Variants in EXT1 observed in about 807,000 individuals in gnomAD.
EXT1 encodes the protein exostosin-1.
EXT1 carries 20 observed loss-of-function variants against 82.5 expected under a neutral mutation model. The ratio of observed to expected loss-of-function variants is 0.24; its 90% CI spans 0.17 to 0.35. EXT1 has a LOEUF of 0.35. Ranked by LOEUF, EXT1 falls within the 10% of genes least tolerant of loss-of-function variation. The pLI, the probability that EXT1 is intolerant of heterozygous loss-of-function variation, is 1.00. For synonymous variants in EXT1, 348 were observed against 350.8 expected (o/e 0.99, Z 0.09); for missense variants, 757 against 936.5 (o/e 0.81, Z 2.50).
intron 1 of EXT1, among the ~76,000 whole-genome samples, chr8:117,873,172 C>G (rs904267597): frequency 6.6e-6 from 1 of 152,118 alleles, no homozygotes; most frequent in East Asian, 1.9e-4. Flanking sequence ...GAAAGAGGGC[C>G]CTCACCAGAA....
chr8:118,062,731 G>C (rs1262890893), intron 1 of EXT1, among the ~76,000 whole-genome samples: 3 of 152,278 alleles, frequency 2.0e-5, no homozygotes, highest in African/African-American at 7.2e-5. Flanking sequence ...GGTCCAGAAA[G>C]CTTTTAAACA....
chr8:117,951,060 A>T (rs1256949838), intron 1 of EXT1, among the ~76,000 whole-genome samples: 1 of 152,190 alleles, frequency 6.6e-6, no homozygotes, highest in Non-Finnish European at 1.5e-5. Context: ...TAGTTAAAAA[A>T]CCTAATTGTA....
intron 1 of EXT1, among the ~76,000 whole-genome samples, chr8:117,970,249 C>T (rs1814910488): frequency 6.6e-6 from 1 of 152,022 alleles, no homozygotes; most frequent in Non-Finnish European, 1.5e-5. Flanking sequence ...TACACCTGGG[C>T]TGTACCCCCA....
intron 1 of EXT1, among the ~76,000 whole-genome samples, chr8:117,885,120 G>T (rs1813124440): frequency 6.6e-6 from 1 of 152,064 alleles, no homozygotes; most frequent in Non-Finnish European, 1.5e-5. Flanking sequence ...ATGGTGTCAA[G>T]GTACAGCCTA....
chr8:117,804,640 A>T lies in EXT1; in HGVS notation c.2055+82T>A, dbSNP rs572474295. The T allele has an allele frequency of 2.4e-5, 35 of 1,484,132 alleles. 1 individual carries two copies. The Middle Eastern group carries it at 5.4e-4, about 23-fold the overall frequency. 91.9% of individuals were successfully genotyped at this position (1,484,132 alleles called of 1,614,324 possible). On this transcript the variant is annotated intron_variant, in intron 10 of 10. Transcript: ENST00000378204. ...CTCATTATATGCTCCTGGGTGGAAC[A>T]GCTAGAGGAACGTGAGTCCTCATTA...
At position 117,799,522 on chromosome 8, in the gene EXT1, C is replaced by T. The variant is rs1823131426; in HGVS notation, c.*190G>A. ...AGAAGCCAGTGAGGTGAGTTTGGAG[C>T]AGTCTGGTGCAGTCCCAGGAGCCAG... On this transcript the variant is annotated 3_prime_UTR_variant, in exon 11 of 11. Coordinates refer to ENST00000378204, the MANE Select transcript of EXT1 (RefSeq NM_000127.3). 3.1e-5 allele frequency: 19 copies of T among 622,044 alleles called. No individual in the cohort carries two copies. The East Asian group carries it at 5.0e-4, about 16-fold the overall frequency. 38.5% of individuals were successfully genotyped at this position (622,044 alleles called of 1,614,324 possible). A position where few individuals can be genotyped will look rare whatever the true frequency, so the allele number is the denominator to read the frequency against.
At chr8:117,811,450 C>G (rs13281310) in intron 8 of EXT1, among the ~76,000 whole-genome samples, 3,237 of 152,224 alleles carry the variant, frequency 0.021, 52 homozygotes, top group Non-Finnish European at 0.033. Flanking sequence ...TGCATCCCCC[C>G]ACCCTGGCCC....
At chr8:117,800,168 A>G (rs1462262226) in intron 10 of EXT1, among the ~76,000 whole-genome samples, 3 of 152,364 alleles carry the variant, frequency 2.0e-5, no homozygotes, top group African/African-American at 7.2e-5. Flanking sequence ...TTCTCTGGTC[A>G]GTCCACGACT....
rs2129679725 is a variant in EXT1 at position 117,799,796 on chromosome 8, G to A, written c.2157C>T (p.His719=). 6.2e-7 allele frequency: 1 copy of A among 1,614,200 alleles called. No individual in the cohort carries two copies. The highest frequency in any genetic ancestry group is 8.5e-7 in the Non-Finnish European group (1 of 1,180,042). Residue 719 remains histidine (H), a synonymous_variant, in exon 11 of 11, where the codon CAC becomes CAT. Coordinates refer to ENST00000378204, the MANE Select transcript of EXT1 (RefSeq NM_000127.3). Reference sequence around the variant, plus strand: ...GGACGGGGTCGAGCCTCATCTGAGAGTGGATCAGCGGCATGTAGCCAAACC... The same window carrying A: ...GGACGGGGTCGAGCCTCATCTGAGAATGGATCAGCGGCATGTAGCCAAACC... ...ASWFGYMPLI[H]SQMRLDPVLF... is the part of the protein sequence containing the mutation.
intron 1 of EXT1, among the ~76,000 whole-genome samples, chr8:118,089,666 C>T (rs1817487659): frequency 6.6e-6 from 1 of 152,164 alleles, no homozygotes; most frequent in African/African-American, 2.4e-5. Flanking sequence ...TTTTTTAACA[C>T]ATTCGCCAGA....
At chr8:117,888,319 A>ACTCTT (rs1813183247) in intron 1 of EXT1, among the ~76,000 whole-genome samples, 1 of 152,052 alleles carries the variant, frequency 6.6e-6, no homozygotes, top group African/African-American at 2.4e-5. Flanking sequence ...ATGATATAAT[A>ACTCTT]ATAGATTAAA....
At chr8:118,058,489 T>C (rs144984088) in intron 1 of EXT1, among the ~76,000 whole-genome samples, 1 of 152,242 alleles carries the variant, frequency 6.6e-6, no homozygotes, top group African/African-American at 2.4e-5. Context: ...CACCTTCTCA[T>C]AAAAAGAGAA....
At chr8:117,871,412 C>G (rs117476502) in intron 1 of EXT1, among the ~76,000 whole-genome samples, 1 of 152,158 alleles carries the variant, frequency 6.6e-6, no homozygotes, top group Admixed American at 6.5e-5. Context: ...TCCTCATCCC[C>G]GTGAGGGGCT....
chr8:117,917,955 C>T (rs1022599513), intron 1 of EXT1, among the ~76,000 whole-genome samples: 23 of 152,152 alleles, frequency 1.5e-4, no homozygotes, highest in African/African-American at 5.6e-4. Flanking sequence ...AAAACTTGGT[C>T]AGCACACTGT....
intron 8 of EXT1, among the ~76,000 whole-genome samples, chr8:117,812,064 A>C (rs1823334258): frequency 7.4e-6 from 1 of 135,298 alleles, no homozygotes; most frequent in Admixed American, 8.4e-5. Context: ...ATTGTGAACA[A>C]AAAGGAAAAA....
chr8:117,999,046 C>T (rs149548238), intron 1 of EXT1, among the ~76,000 whole-genome samples: 84 of 152,200 alleles, frequency 5.5e-4, no homozygotes, highest in African/African-American at 1.9e-3. Flanking sequence ...TCAGAAATTC[C>T]GGAATGAGAG....
intron 4 of EXT1, 86 bp from the exon 5 acceptor site, chr8:117,822,683 G>T: frequency 1.3e-6 from 2 of 1,513,814 alleles, no homozygotes; most frequent in Non-Finnish European, 9.1e-7. Context: ...TCGAAAGATG[G>T]TGGCAGTCAG....
intron 1 of EXT1, among the ~76,000 whole-genome samples, chr8:118,005,497 G>A (rs1815754974): frequency 1.3e-5 from 2 of 152,144 alleles, no homozygotes; most frequent in Admixed American, 1.3e-4. Context: ...TGTTTCACGT[G>A]CAATTAGCTG....
rs1001173442 is a variant in EXT1 at position 117,880,677 on chromosome 8, G to A, written c.963-43476C>T. Among the ~76,000 whole-genome samples the A allele has an allele frequency of 1.1e-4, 17 of 149,154 alleles. No homozygotes were observed. The East Asian group carries it at 2.0e-3, about 17-fold the overall frequency. On this transcript the variant is annotated intron_variant, in intron 1 of 10. Coordinates refer to ENST00000378204, the MANE Select transcript of EXT1 (RefSeq NM_000127.3). Reference sequence around the variant, plus strand: ...ACAATCTCAGCTCACCGCAACCTCCGCCTCCCAGGTTCAAGCAATTCTCCT... The same window carrying A: ...ACAATCTCAGCTCACCGCAACCTCCACCTCCCAGGTTCAAGCAATTCTCCT...
Sources: allele counts gnomAD v4.1 joint callset (sites outside exome capture counted in the v4.1 genomes callset), GRCh38; gene constraint gnomAD v4.1.1; transcripts MANE v1.5; gene names NCBI Gene and HGNC (gene_info 2026-07-23, HGNC 2026-07-21).